PCMT1: variants seen among roughly 807,000 people sequenced by gnomAD.
The protein encoded by PCMT1 is protein-L-isoaspartate (D-aspartate) O-methyltransferase.
In PCMT1, 9 loss-of-function variants were observed where a neutral mutation model predicts 29.2. The observed-to-expected ratio is 0.31, with a 90% CI of 0.19 to 0.54. The LOEUF (loss-of-function observed/expected upper bound fraction) is 0.54. PCMT1 is among the 20% of genes least tolerant of loss of function. PCMT1 has a pLI of 0.95. For missense variants in PCMT1, 184 were observed against 282.2 expected (o/e 0.65, Z 2.49); for synonymous variants, 98 against 97.5 (o/e 1.00, Z -0.03).
intron 7 of PCMT1, among the ~76,000 whole-genome samples, chr6:149,804,423 T>A (rs1352647802): frequency 6.6e-6 from 1 of 152,188 alleles, no homozygotes; most frequent in Non-Finnish European, 1.5e-5. Flanking sequence ...TGACTAGAGG[T>A]AGATTTACTG....
intron 1 of PCMT1, among the ~76,000 whole-genome samples, chr6:149,768,793 A>AT (rs1392489878): frequency 6.6e-6 from 1 of 151,704 alleles, no homozygotes; most frequent in Non-Finnish European, 1.5e-5. Flanking sequence ...CGCCCAGCTA[A>AT]TTTTTGTATT....
At chr6:149,750,217 C>T (rs1375695351) in intron 1 of PCMT1, 4 of 553,996 alleles carry the variant, frequency 7.2e-6, no homozygotes, top group Admixed American at 3.2e-5. Flanking sequence ...CGTCTCCCTG[C>T]AGGCCCTGGG....
chr6:149,767,969 T>G (rs1787162035), intron 1 of PCMT1, among the ~76,000 whole-genome samples: 2 of 151,182 alleles, frequency 1.3e-5, no homozygotes, highest in Admixed American at 6.6e-5. Context: ...AATGTTTGTA[T>G]TTTTAGTAGA....
At chr6:149,785,963 C>G (rs1788029270) in intron 3 of PCMT1, among the ~76,000 whole-genome samples, 1 of 151,240 alleles carries the variant, frequency 6.6e-6, no homozygotes, top group Admixed American at 6.6e-5. Context: ...AGAGGGGCTC[C>G]TCACTTCCCA....
chr6:149,749,760 C>T lies in PCMT1; in HGVS notation c.-142C>T, dbSNP rs1405388974. Reference sequence around the variant, plus strand: ...GAGCGCGCAGTGGCGGCAGCGGCGGCGACGGCAGTAACAGCGGCAGCTACA... The same window carrying T: ...GAGCGCGCAGTGGCGGCAGCGGCGGTGACGGCAGTAACAGCGGCAGCTACA... On this transcript the variant is annotated 5_prime_UTR_variant, in exon 1 of 8. Coordinates refer to ENST00000464889, the MANE Select transcript of PCMT1 (RefSeq NM_001360452.2). The T allele has an allele frequency of 2.8e-5, 43 of 1,546,110 alleles. No homozygotes were observed. Among genetic ancestry groups the T allele is most frequent in the African/African-American group, 4.1e-5 (3 of 72,874 alleles).
intron 1 of PCMT1, among the ~76,000 whole-genome samples, chr6:149,759,920 C>T (rs746627477): frequency 6.6e-6 from 1 of 152,300 alleles, no homozygotes; most frequent in Middle Eastern, 3.4e-3. Context: ...TTCAGACTGT[C>T]ATCAGATTAA....
intron 3 of PCMT1, among the ~76,000 whole-genome samples, chr6:149,786,072 A>T (rs1583037855): frequency 9.5e-6 from 1 of 105,056 alleles, no homozygotes; most frequent in African/African-American, 3.3e-5. Flanking sequence ...CGGGGTGGCT[A>T]GCCGGGCAGA....
At chr6:149,756,454 C>T (rs1256268288) in intron 1 of PCMT1, among the ~76,000 whole-genome samples, 3 of 147,448 alleles carry the variant, frequency 2.0e-5, no homozygotes, top group Non-Finnish European at 4.5e-5. Flanking sequence ...GTTCAAGCGA[C>T]TCCTCCATCT....
chr6:149,779,207 A>T (rs1056656258), intron 3 of PCMT1, among the ~76,000 whole-genome samples: 1 of 151,638 alleles, frequency 6.6e-6, no homozygotes, highest in Non-Finnish European at 1.5e-5. Context: ...CACAAAGTTG[A>T]TAAGCAATTG....
chr6:149,756,726 T>C (rs888983873), intron 1 of PCMT1, among the ~76,000 whole-genome samples: 4 of 151,690 alleles, frequency 2.6e-5, no homozygotes, highest in Non-Finnish European at 5.9e-5. Context: ...AACCAGCTGG[T>C]AAAATCCTAA....
At chr6:149,759,353 T>C (rs1273659936) in intron 1 of PCMT1, among the ~76,000 whole-genome samples, 1 of 152,178 alleles carries the variant, frequency 6.6e-6, no homozygotes, top group African/African-American at 2.4e-5. Flanking sequence ...AGAAGAAATG[T>C]GGGGTAGATG....
chr6:149,763,256 A>G (rs1201321160), intron 1 of PCMT1, among the ~76,000 whole-genome samples: 1 of 78,874 alleles, frequency 1.3e-5, no homozygotes, highest in African/African-American at 1.0e-4. Context: ...ATATATATCT[A>G]TGATATCTAT....
At chr6:149,785,475 T>G (rs1181172000) in intron 3 of PCMT1, among the ~76,000 whole-genome samples, 2 of 151,124 alleles carry the variant, frequency 1.3e-5, no homozygotes, top group Admixed American at 6.6e-5. Context: ...GGCAGGGTCA[T>G]AGGACAATAG....
At position 149,749,930 on chromosome 6, in the gene PCMT1, A is replaced by G. The variant is rs1246509002; in HGVS notation, c.29A>G (p.His10Arg). 6.2e-7 allele frequency: 1 copy of G among 1,610,814 alleles called. No homozygotes were observed. The highest frequency in any genetic ancestry group is 8.5e-7 in the Non-Finnish European group (1 of 1,178,802). MAWKSGGAS[H>R]SELIHNLRKN... is the part of the protein sequence containing the mutation. ...GCCTGGAAATCCGGCGGCGCCAGCC[A>G]CTCGGAGCTAATCCACAATCTCCGC... Residue 10 changes from histidine to arginine, a missense_variant, in exon 1 of 8, where the codon CAC becomes CGC. Transcript: ENST00000464889.
chr6:149,808,709 T>C (rs1776077570), intron 7 of PCMT1, among the ~76,000 whole-genome samples: 1 of 151,980 alleles, frequency 6.6e-6, no homozygotes, highest in African/African-American at 2.4e-5. Flanking sequence ...TGATCTCAGC[T>C]TGCTGCAACC....
intron 3 of PCMT1, among the ~76,000 whole-genome samples, chr6:149,778,917 T>C (rs1787692618): frequency 6.6e-6 from 1 of 152,170 alleles, no homozygotes; most frequent in African/African-American, 2.4e-5. Context: ...AAAGAAAAGT[T>C]ATAGTCTTAA....
At chr6:149,757,993 G>A (rs1215008840) in intron 1 of PCMT1, among the ~76,000 whole-genome samples, 2 of 151,616 alleles carry the variant, frequency 1.3e-5, no homozygotes, top group African/African-American at 2.4e-5. Flanking sequence ...AGTGATTCTC[G>A]TGTCTTAGCC....
At chr6:149,807,237 T>A (rs976837789) in intron 7 of PCMT1, among the ~76,000 whole-genome samples, 2 of 152,198 alleles carry the variant, frequency 1.3e-5, no homozygotes, top group Non-Finnish European at 2.9e-5. Flanking sequence ...GGAATTGTGT[T>A]CATGACTATG....
intron 7 of PCMT1, among the ~76,000 whole-genome samples, chr6:149,804,785 A>T (rs1178655251): frequency 3.3e-5 from 5 of 151,980 alleles, no homozygotes; most frequent in African/African-American, 1.2e-4. Flanking sequence ...TACAGGTGTC[A>T]GCCACCATGC....
Sources: gnomAD v4.1 joint callset for allele counts (sites outside exome capture counted in the v4.1 genomes callset) on GRCh38, gnomAD v4.1.1 for gene constraint, MANE v1.5 for transcripts, NCBI Gene and HGNC (gene_info 2026-07-23, HGNC 2026-07-21) for gene names.